Variants in EFCAB11 observed in about 807,000 individuals in gnomAD.
EFCAB11 encodes the protein EF-hand calcium-binding domain-containing protein 11.
Under a neutral mutation model 23.0 loss-of-function variants are expected in EFCAB11, and 14 were observed. The observed-to-expected ratio is 0.61, with a 90% confidence interval of 0.40 to 0.95. The LOEUF is 0.95. Among genes scored for constraint, EFCAB11 ranks in the 40% least tolerant of loss-of-function variants. The pLI, the probability that EFCAB11 is intolerant of heterozygous loss-of-function variation, is 0.00. For synonymous variants in EFCAB11, 65 were observed against 66.6 expected (o/e 0.98, Z 0.11); for missense variants, 198 against 195.8 (o/e 1.01, Z -0.07).
At chr14:89,831,987 G>A (rs1166631990) in intron 5 of EFCAB11, among the ~76,000 whole-genome samples, 1 of 152,126 alleles carries the variant, frequency 6.6e-6, no homozygotes, top group Non-Finnish European at 1.5e-5. Flanking sequence ...GGGAATGGCA[G>A]GCAAGGGGCA....
intron 5 of EFCAB11, among the ~76,000 whole-genome samples, chr14:89,840,303 A>C (rs1270426784): frequency 6.6e-6 from 1 of 152,250 alleles, no homozygotes; most frequent in Admixed American, 6.5e-5. Flanking sequence ...GCTTATACTG[A>C]AGATACTTGA....
chr14:89,800,732 G>A (rs1315778519), intron 5 of EFCAB11, among the ~76,000 whole-genome samples: 2 of 152,132 alleles, frequency 1.3e-5, no homozygotes, highest in Non-Finnish European at 2.9e-5. Context: ...AATTGATTTT[G>A]GGAGTAGAGA....
chr14:89,848,647 C>A (rs753136827), intron 5 of EFCAB11: 11 of 152,280 alleles, frequency 7.2e-5, no homozygotes, highest in Non-Finnish European at 1.5e-4. Flanking sequence ...CTGGTTGAGT[C>A]CGGGCACAGT....
chr14:89,868,936 T>C (rs1488318669), intron 5 of EFCAB11, among the ~76,000 whole-genome samples: 1 of 152,140 alleles, frequency 6.6e-6, no homozygotes, highest in Admixed American at 6.5e-5. Flanking sequence ...TAAAGAAATA[T>C]AGCTCACGTC....
chr14:89,952,774 C>G lies in EFCAB11; in HGVS notation c.171+1132G>C, dbSNP rs557621501. Among the ~76,000 whole-genome samples the G allele has an allele frequency of 1.1e-4, 16 of 152,306 alleles. No homozygotes were observed. In the South Asian group the frequency reaches 3.3e-3, roughly 32 times the overall value. On this transcript the variant is annotated intron_variant, in intron 2 of 5. Coordinates refer to ENST00000316738, the MANE Select transcript of EFCAB11 (RefSeq NM_145231.4). Reference sequence around the variant, plus strand: ...AGGCACAGTCCACTCATGAGGAGAACAGCTGGGCCCTAATTAACTGCCAAG... The same window carrying G: ...AGGCACAGTCCACTCATGAGGAGAAGAGCTGGGCCCTAATTAACTGCCAAG...
At chr14:89,923,647 C>T (rs1459493657) in intron 5 of EFCAB11, 2 of 978,550 alleles carry the variant, frequency 2.0e-6, no homozygotes, top group Non-Finnish European at 2.4e-6. Flanking sequence ...ATGGATGTTT[C>T]TATACCTGGA....
At chr14:89,930,463 C>T (rs184105786) in intron 5 of EFCAB11, among the ~76,000 whole-genome samples, 1 of 152,356 alleles carries the variant, frequency 6.6e-6, no homozygotes, top group Non-Finnish European at 1.5e-5. Context: ...ACCCTTCCCC[C>T]TTGCAGCTGT....
chr14:89,811,482 C>A (rs1202957569), intron 5 of EFCAB11, among the ~76,000 whole-genome samples: 2 of 152,136 alleles, frequency 1.3e-5, no homozygotes, highest in Non-Finnish European at 2.9e-5. Context: ...ATTAGGGTTG[C>A]AGACAGAATT....
intron 5 of EFCAB11, among the ~76,000 whole-genome samples, chr14:89,864,370 T>C (rs1888020950): frequency 6.6e-6 from 1 of 152,218 alleles, no homozygotes; most frequent in Non-Finnish European, 1.5e-5. Flanking sequence ...TCCCATCTGT[T>C]TGCTGATGCC....
chr14:89,853,928 G>A (rs1887670602), intron 5 of EFCAB11, among the ~76,000 whole-genome samples: 1 of 152,098 alleles, frequency 6.6e-6, no homozygotes, highest in African/African-American at 2.4e-5. Flanking sequence ...GCACAAAAAA[G>A]AGAATAAGCT....
chr14:89,882,813 C>T (rs933661612), intron 5 of EFCAB11, among the ~76,000 whole-genome samples: 3 of 152,176 alleles, frequency 2.0e-5, no homozygotes, highest in Non-Finnish European at 4.4e-5. Context: ...CTCAGACCTC[C>T]AGCTGAAATT....
intron 5 of EFCAB11, among the ~76,000 whole-genome samples, chr14:89,895,766 C>A (rs1412232561): frequency 2.0e-5 from 3 of 152,114 alleles, no homozygotes; most frequent in Non-Finnish European, 2.9e-5. Context: ...AGGACACCAG[C>A]CCTCTAACTA....
chr14:89,855,989 G>A (rs1468454035), intron 5 of EFCAB11, among the ~76,000 whole-genome samples: 1 of 152,106 alleles, frequency 6.6e-6, no homozygotes, highest in Non-Finnish European at 1.5e-5. Flanking sequence ...ATACTCCATC[G>A]TATATATACA....
At chr14:89,804,972 T>C (rs1031504335) in intron 5 of EFCAB11, among the ~76,000 whole-genome samples, 1 of 152,172 alleles carries the variant, frequency 6.6e-6, no homozygotes, top group African/African-American at 2.4e-5. Context: ...TATCCCTGAA[T>C]ATAAGATTCT....
intron 5 of EFCAB11, among the ~76,000 whole-genome samples, chr14:89,817,262 C>G (rs1042727241): frequency 6.6e-6 from 1 of 152,046 alleles, no homozygotes; most frequent in African/African-American, 2.4e-5. Flanking sequence ...ACACCTGTAA[C>G]CCCAGTGCTT....
At chr14:89,938,394 G>A (rs1890668049) in intron 3 of EFCAB11, among the ~76,000 whole-genome samples, 1 of 152,112 alleles carries the variant, frequency 6.6e-6, no homozygotes, top group African/African-American at 2.4e-5. Context: ...ATGACTTTTG[G>A]AGGCCATGAC....
intron 5 of EFCAB11, among the ~76,000 whole-genome samples, chr14:89,858,914 T>C (rs1413260280): frequency 6.6e-6 from 1 of 152,164 alleles, no homozygotes; most frequent in African/African-American, 2.4e-5. Context: ...AAGTTCACAC[T>C]AGTTCTCCTT....
intron 3 of EFCAB11, among the ~76,000 whole-genome samples, chr14:89,948,604 T>G (rs899392195): frequency 6.6e-6 from 1 of 152,164 alleles, no homozygotes; most frequent in Admixed American, 6.5e-5. Flanking sequence ...CATCAACAGA[T>G]GAATGGATAA....
intron 5 of EFCAB11, among the ~76,000 whole-genome samples, chr14:89,896,827 G>A (rs961862232): frequency 2.0e-5 from 3 of 152,212 alleles, no homozygotes; most frequent in East Asian, 1.9e-4. Flanking sequence ...GGGCCCAAGC[G>A]ATCCTCCCAC....
Sources: gnomAD v4.1 joint callset for allele counts (sites outside exome capture counted in the v4.1 genomes callset) on GRCh38, gnomAD v4.1.1 for gene constraint, MANE v1.5 for transcripts, NCBI Gene and HGNC (gene_info 2026-07-23, HGNC 2026-07-21) for gene names.